The following CASR variants were observed in gnomAD, a reference collection of about 807,000 sequenced individuals.
CASR encodes calcium sensing receptor.
A neutral mutation model predicts 69.1 loss-of-function variants in CASR; 23 were observed. The observed-to-expected ratio is 0.33, with a 90% CI of 0.24 to 0.47. The LOEUF (loss-of-function observed/expected upper bound fraction) is 0.47. Among genes scored for constraint, CASR ranks in the 20% least tolerant of loss-of-function variants. The pLI, the probability that CASR is intolerant of heterozygous loss-of-function variation, is 1.00. For synonymous variants in CASR, 541 were observed against 544.7 expected (o/e 0.99, Z 0.10); for missense variants, 924 against 1,356.1 (o/e 0.68, Z 5.00).
At chr3:122,260,691 A>AT (rs1424286192) in intron 3 of CASR, among the ~76,000 whole-genome samples, 1 of 13,522 alleles carries the variant, frequency 7.4e-5, no homozygotes, top group Non-Finnish European at 2.1e-4. Context: ...AAGTATAATA[A>AT]AAAAAAAAAA....
chr3:122,184,476 A>C (rs898128928), intron 1 of CASR: 3 of 152,554 alleles, frequency 2.0e-5, no homozygotes, highest in Admixed American at 2.0e-4. Flanking sequence ...GTGGAGACCC[A>C]CGGCCGAGGG....
intron 1 of CASR, among the ~76,000 whole-genome samples, chr3:122,250,103 A>G (rs1216840310): frequency 6.6e-6 from 1 of 152,150 alleles, no homozygotes; most frequent in African/African-American, 2.4e-5. Flanking sequence ...TGGAAGGTGG[A>G]AGGTGATGGG....
At chr3:122,272,528 T>C (rs1380835471) in intron 4 of CASR, among the ~76,000 whole-genome samples, 2 of 152,244 alleles carry the variant, frequency 1.3e-5, no homozygotes. Flanking sequence ...CCTGCATTGA[T>C]CATTTCAGCC....
intron 1 of CASR, among the ~76,000 whole-genome samples, chr3:122,194,653 C>T (rs1215300997): frequency 6.6e-6 from 1 of 152,208 alleles, no homozygotes; most frequent in Admixed American, 6.5e-5. Context: ...TGAGAAGGAA[C>T]TTTTCCTCTA....
At chr3:122,208,120 T>C (rs1376922034) in intron 1 of CASR, among the ~76,000 whole-genome samples, 1 of 143,480 alleles carries the variant, frequency 7.0e-6, no homozygotes, top group African/African-American at 2.4e-5. Flanking sequence ...AAACTTTTTA[T>C]TTTAAGTAGT....
chr3:122,236,592 A>C (rs193149824), intron 1 of CASR, among the ~76,000 whole-genome samples: 1 of 152,234 alleles, frequency 6.6e-6, no homozygotes, highest in Non-Finnish European at 1.5e-5. Context: ...AAGCAAATGT[A>C]TATTAGGAAA....
intron 1 of CASR, among the ~76,000 whole-genome samples, chr3:122,236,482 G>A (rs372152474): frequency 6.6e-6 from 1 of 152,130 alleles, no homozygotes; most frequent in African/African-American, 2.4e-5. Context: ...GAATTTAGTG[G>A]GGAGGCATAG....
intron 4 of CASR, 72 bp from the exon 5 acceptor site, chr3:122,275,740 C>A: frequency 2.0e-6 from 2 of 979,782 alleles, no homozygotes; most frequent in Non-Finnish European, 3.3e-6. Flanking sequence ...CGTTGTTGTG[C>A]AGGGCACAGC....
At chr3:122,226,747 A>T (rs1308495189) in intron 1 of CASR, among the ~76,000 whole-genome samples, 1 of 152,078 alleles carries the variant, frequency 6.6e-6, no homozygotes, top group Non-Finnish European at 1.5e-5. Context: ...CTAGATACAG[A>T]GTGCCAATTG....
intron 1 of CASR, among the ~76,000 whole-genome samples, chr3:122,227,624 A>C (rs1426595063): frequency 1.3e-5 from 2 of 152,140 alleles, no homozygotes; most frequent in Non-Finnish European, 2.9e-5. Context: ...AGGGGCTCCC[A>C]CAGCGCAGCA....
chr3:122,215,104 CTT>C (rs10602692), intron 1 of CASR, among the ~76,000 whole-genome samples: 110,030 of 151,878 alleles, frequency 0.72, 40,098 homozygotes, highest in Admixed American at 0.82. Context: ...CGGAGAAAGT[CTT>C]TGCCTATGCA....
At chr3:122,215,357 G>A (rs941807396) in intron 1 of CASR, among the ~76,000 whole-genome samples, 2 of 152,204 alleles carry the variant, frequency 1.3e-5, no homozygotes, top group African/African-American at 4.8e-5. Context: ...GGAGTTGAGT[G>A]CAGGAATGCA....
chr3:122,252,397 AGG>A lies in CASR; in HGVS notation c.-242-1550_-242-1549del, dbSNP rs1491525313. ...AAGGAAGGAAGGAAGGAAGGAAGGA[AGG>A]AAGGAAGGAAAAAGAAAGAAAGAAA... On this transcript the variant is annotated intron_variant, in intron 1 of 6. Transcript: ENST00000639785. Among the ~76,000 whole-genome samples the A allele has an allele frequency of 3.4e-3, 55 of 16,392 alleles. 1 individual carries two copies. The highest frequency in any genetic ancestry group is 1.0e-2 in the African/African-American group (41 of 4,104). The allele number at this position is 16,392 out of a possible 152,430, so 10.8% of individuals were successfully genotyped here.
intron 1 of CASR, among the ~76,000 whole-genome samples, chr3:122,250,739 A>G (rs2074474274): frequency 6.6e-6 from 1 of 152,228 alleles, no homozygotes; most frequent in African/African-American, 2.4e-5. Flanking sequence ...TTCTTTTTTA[A>G]TGCTTTTATT....
At chr3:122,267,392 G>C (rs1349449737) in intron 4 of CASR, among the ~76,000 whole-genome samples, 1 of 152,044 alleles carries the variant, frequency 6.6e-6, no homozygotes, top group African/African-American at 2.4e-5. Context: ...TGAGGACATA[G>C]TACAATACAA....
Position 122,284,197 on chromosome 3 carries a change from C to G in CASR, c.2243C>G (p.Pro748Arg), listed in dbSNP as rs193922433. ...GTGATCTGGCTCTACACCGCGCCCC[C>G]GTCAAGCTACCGCAACCAGGAGCTG... ...ICVIWLYTAP[P>R]SSYRNQELED... Residue 748 changes from proline to arginine, a missense_variant, in exon 7 of 7, where the codon CCG (proline) becomes CGG (arginine). By Grantham distance (103) the Pro-to-Arg change is moderately radical. Around this residue, in one of 8 missense-constraint regions of CASR, gnomAD observed 184 missense variants for 278.8 expected, o/e 0.66. Coordinates refer to ENST00000639785, the MANE Select transcript of CASR (RefSeq NM_000388.4). 2 of 1,613,710 alleles carry G rather than the reference C, an allele frequency of 1.2e-6. No homozygotes were observed. Among genetic ancestry groups the G allele is most frequent in the Non-Finnish European group, 1.7e-6 (2 of 1,179,746 alleles).
intron 1 of CASR, among the ~76,000 whole-genome samples, chr3:122,236,927 G>C (rs2074334239): frequency 6.6e-6 from 1 of 152,016 alleles, no homozygotes; most frequent in African/African-American, 2.4e-5. Flanking sequence ...GAAAATTTTT[G>C]TCTCTGGCCT....
chr3:122,278,156 C>A (rs931276917), intron 5 of CASR, among the ~76,000 whole-genome samples: 2 of 151,508 alleles, frequency 1.3e-5, no homozygotes, highest in South Asian at 2.1e-4. Flanking sequence ...GGATGAAAAG[C>A]GTATGATAAA....
intron 2 of CASR, among the ~76,000 whole-genome samples, chr3:122,256,228 G>C (rs977298522): frequency 1.3e-5 from 2 of 152,162 alleles, no homozygotes; most frequent in African/African-American, 4.8e-5. Context: ...ACAAAAATGA[G>C]ATCATTCACG....
Sources: gnomAD v4.1 joint callset for allele counts (sites outside exome capture counted in the v4.1 genomes callset) on GRCh38, gnomAD v4.1.1 for gene constraint, gnomAD v4.1.1 regional missense constraint, MANE v1.5 for transcripts, NCBI Gene and HGNC (gene_info 2026-07-23, HGNC 2026-07-21) for gene names.